The following RIC1 variants were observed in gnomAD, a reference collection of about 807,000 sequenced individuals.
The protein encoded by RIC1 is guanine nucleotide exchange factor subunit RIC1.
A neutral mutation model predicts 169.0 loss-of-function variants in RIC1; 88 were observed. The observed-to-expected ratio is 0.52, with a 90% CI of 0.44 to 0.62. The LOEUF (loss-of-function observed/expected upper bound fraction) is 0.62, where lower values mean the gene tolerates loss of function less well. Among genes scored for constraint, RIC1 ranks in the 20% least tolerant of loss-of-function variants. The probability of loss-of-function intolerance (pLI) is 0.00; values close to 1 mark genes in which losing one functional copy is unlikely to be tolerated. For missense variants in RIC1, 1,877 were observed against 1,725.5 expected (o/e 1.09, Z -1.56); for synonymous variants, 790 against 601.5 (o/e 1.31, Z -4.59).
At chr9:5,663,273 C>A (rs1438070292) in intron 2 of RIC1, among the ~76,000 whole-genome samples, 1 of 152,014 alleles carries the variant, frequency 6.6e-6, no homozygotes, top group African/African-American at 2.4e-5. Flanking sequence ...AGAGTAAGTG[C>A]CTTGTGATGA....
In RIC1 at chr9:5,656,580, C is replaced by A; in HGVS notation, c.145-3C>A. 4.9e-6 allele frequency: 7 copies of A among 1,441,422 alleles called. No homozygotes were observed. The highest frequency in any genetic ancestry group is 5.6e-6 in the Non-Finnish European group (6 of 1,068,710). 89.3% of individuals were successfully genotyped at this position (1,441,422 alleles called of 1,614,324 possible). On this transcript the variant is annotated splice_polypyrimidine_tract_variant and splice_region_variant and intron_variant, in intron 1 of 25. Transcript: ENST00000414202. ...CAACTTTTTTTTTTTTTTAATCACA[C>A]AGCCTAGTGTGTTAATTGTAACCTA...
chr9:5,664,176 A>G lies in RIC1; in HGVS notation c.252+7486A>G, dbSNP rs188086519. Among the ~76,000 whole-genome samples, 568 of 152,098 alleles carry G rather than the reference A, an allele frequency of 3.7e-3. 1 individual carries two copies. The highest frequency in any genetic ancestry group is 0.013 in the African/African-American group (555 of 41,474). ...TGTAATCCCAGCACTTTGGGAGGCC[A>G]AGGCGGGCGGATAACGAGGTCAAGA... On this transcript the variant is annotated intron_variant, in intron 2 of 25. Transcript: ENST00000414202.
At position 5,773,952 on chromosome 9, in the gene RIC1, A is replaced by T; in HGVS notation, c.3984-6A>T. ...AGATGAGCTAATGTTTTTTTTCTCTACATAGTCCTGGATATAAGCCATTTT... is the reference window on the plus strand; with the variant it reads ...AGATGAGCTAATGTTTTTTTTCTCTTCATAGTCCTGGATATAAGCCATTTT... On this transcript the variant is annotated splice_region_variant and splice_polypyrimidine_tract_variant and intron_variant, in intron 25 of 25. Coordinates refer to ENST00000414202, the MANE Select transcript of RIC1 (RefSeq NM_020829.4). The T allele has an allele frequency of 6.3e-7, 1 of 1,577,762 alleles. No homozygotes were observed. The highest frequency in any genetic ancestry group is 1.9e-5 in the Admixed American group (1 of 53,076).
In RIC1 at chr9:5,763,635, G is replaced by T; in HGVS notation, c.2608G>T (p.Glu870Ter). 6.2e-7 allele frequency: 1 copy of T among 1,614,128 alleles called. No homozygotes were observed. Among genetic ancestry groups the T allele is most frequent in the African/African-American group, 1.3e-5 (1 of 75,036 alleles). Residue 870 changes from glutamate (E) to a stop codon, truncating the protein, a stop_gained, in exon 19 of 26, where the codon GAA becomes TAA. Transcript: ENST00000414202. LOFTEE classifies it high-confidence loss of function. This position sits in a 1 kb window ranked among gnomAD's most constrained non-coding sequence, Gnocchi z 5.2. The stretch of plus-strand genomic sequence containing the variant: ...GGAGCTCATGCTCCATGAAGTACTG[G>T]AAGAAGAAGCTACCTCACGGGAGCC... The part of the protein sequence containing the change: ...VLELMLHEVL[E>*]EEATSREPIP...
In RIC1 at chr9:5,709,275, G is replaced by A. The variant is rs544424937; in HGVS notation, c.333-4621G>A. ...AAAAACATTAACATTTACAGTGTGT[G>A]TTCCCTTCCCTACTCCATCCCCAAT... On this transcript the variant is annotated intron_variant, in intron 3 of 25. Transcript: ENST00000414202. Among the ~76,000 whole-genome samples the A allele has an allele frequency of 3.3e-5, 5 of 152,238 alleles. No individual in the cohort carries two copies. In the South Asian group the frequency reaches 8.3e-4, roughly 25 times the overall value.
At chr9:5,636,741 G>T (rs757157819) in intron 1 of RIC1, among the ~76,000 whole-genome samples, 3 of 151,934 alleles carry the variant, frequency 2.0e-5, no homozygotes, top group African/African-American at 7.3e-5. Context: ...AAATTTTTTG[G>T]TGGTTTTTAG....
chr9:5,754,741 T>C, intron 14 of RIC1, 100 bp from the exon 15 acceptor site: 1 of 678,340 alleles, frequency 1.5e-6, no homozygotes, highest in South Asian at 2.8e-5. Flanking sequence ...AAAATAATAA[T>C]AATTTGAGCT....
intron 5 of RIC1, 34 bp from the exon 6 acceptor site, chr9:5,720,580 T>G (rs755112942): frequency 1.3e-6 from 2 of 1,557,208 alleles, no homozygotes; most frequent in Non-Finnish European, 1.7e-6. Flanking sequence ...ATTATATTCT[T>G]AATCCTATTT....
chr9:5,761,523 T>G (rs540845330), intron 17 of RIC1, among the ~76,000 whole-genome samples: 37 of 152,182 alleles, frequency 2.4e-4, no homozygotes, highest in Non-Finnish European at 4.9e-4. Context: ...TTTTTTCAAA[T>G]TAAATGAGCC....
At chr9:5,665,270 T>C (rs931848667) in intron 2 of RIC1, among the ~76,000 whole-genome samples, 1 of 152,196 alleles carries the variant, frequency 6.6e-6, no homozygotes, top group Non-Finnish European at 1.5e-5. Flanking sequence ...CAGTGGTGTG[T>C]TAAAGTCTCC....
At chr9:5,707,096 A>G (rs151301105) in intron 3 of RIC1, among the ~76,000 whole-genome samples, 13 of 152,044 alleles carry the variant, frequency 8.6e-5, no homozygotes, top group African/African-American at 2.9e-4. Flanking sequence ...GTTTGTTTTC[A>G]TTAGTTTCAG....
At chr9:5,733,489 T>C (rs975916415) in intron 7 of RIC1, among the ~76,000 whole-genome samples, 1 of 152,064 alleles carries the variant, frequency 6.6e-6, no homozygotes, top group African/African-American at 2.4e-5. Context: ...AGGATGGTCT[T>C]GATCTCCTGA....
chr9:5,639,008 C>T (rs553643275), intron 1 of RIC1, among the ~76,000 whole-genome samples: 1 of 152,084 alleles, frequency 6.6e-6, no homozygotes, highest in Non-Finnish European at 1.5e-5. Context: ...CTCAACCTCC[C>T]AAGTTCATGT....
At chr9:5,767,490 T>TC (rs1826860295) in intron 21 of RIC1, among the ~76,000 whole-genome samples, 1 of 151,850 alleles carries the variant, frequency 6.6e-6, no homozygotes, top group Admixed American at 6.6e-5. Flanking sequence ...TTTTTTTTTT[T>TC]TTCCCCAGGA....
At chr9:5,668,457 A>T (rs1475500845) in intron 2 of RIC1, among the ~76,000 whole-genome samples, 1 of 152,198 alleles carries the variant, frequency 6.6e-6, no homozygotes, top group Non-Finnish European at 1.5e-5. Context: ...CACGGATTTC[A>T]TTAAGGCTCC....
intron 3 of RIC1, among the ~76,000 whole-genome samples, chr9:5,709,563 A>G (rs1233572056): frequency 6.6e-6 from 1 of 152,200 alleles, no homozygotes; most frequent in Non-Finnish European, 1.5e-5. Context: ...CGTTTTGTAC[A>G]CTGTTTCATA....
chr9:5,651,117 A>AC (rs1276736164), intron 1 of RIC1, among the ~76,000 whole-genome samples: 4 of 152,038 alleles, frequency 2.6e-5, no homozygotes, highest in Non-Finnish European at 4.4e-5. Context: ...TAGTCTCTGG[A>AC]CCCCCTCTCT....
In RIC1 at chr9:5,653,469, C is replaced by T. The variant is rs192327245; in HGVS notation, c.145-3114C>T. Among the ~76,000 whole-genome samples the T allele has an allele frequency of 3.6e-3, 551 of 152,242 alleles. 22 individuals are homozygous for T. Among genetic ancestry groups the T allele is most frequent in the Admixed American group, 0.034 (513 of 15,292 alleles). ...TTGTTGATAGCCAGAAAATAAATTG[C>T]TGGGAATTTGATTGAGATTGTATTA... On this transcript the variant is annotated intron_variant, in intron 1 of 25. Transcript: ENST00000414202.
chr9:5,691,776 A>C (rs1821603302), intron 3 of RIC1, among the ~76,000 whole-genome samples: 1 of 152,024 alleles, frequency 6.6e-6, no homozygotes, highest in Non-Finnish European at 1.5e-5. Flanking sequence ...AGCAGTAATC[A>C]GAAACAACAA....
Sources: gnomAD v4.1 joint callset for allele counts (sites outside exome capture counted in the v4.1 genomes callset) on GRCh38, gnomAD v4.1.1 for gene constraint, Gnocchi (gnomAD v3.1) non-coding constraint, MANE v1.5 for transcripts, NCBI Gene and HGNC (gene_info 2026-07-23, HGNC 2026-07-21) for gene names.